TLL2: variants seen among roughly 807,000 people sequenced by gnomAD.
TLL2 encodes tolloid-like protein 2.
A neutral mutation model predicts 123.0 loss-of-function variants in TLL2; 106 were observed. The observed-to-expected ratio is 0.86, with a 90% confidence interval of 0.74 to 1.01. The LOEUF is 1.01. Ranked by LOEUF, TLL2 falls within the 50% of genes least tolerant of loss-of-function variation. The pLI is 0.00. For missense variants in TLL2, 1,332 were observed against 1,336.7 expected (o/e 1.00, Z 0.06); for synonymous variants, 494 against 516.8 (o/e 0.96, Z 0.60).
chr10:96,370,236 C>T lies in TLL2; in HGVS notation c.2742G>A (p.Pro914=), dbSNP rs1454416698. The T allele has an allele frequency of 8.1e-6, 13 of 1,613,408 alleles. No homozygotes were observed. Among genetic ancestry groups the T allele is most frequent in the South Asian group, 3.3e-5 (3 of 90,958 alleles). ...SHAQFGDNNY[P]SEARCDWVIV... Reference sequence around the variant, plus strand: ...TCACCCAGTCACAGCGGGCCTCGCTCGGGTAGTTGTTGTCCCCAAACTGGG... The same window carrying T: ...TCACCCAGTCACAGCGGGCCTCGCTTGGGTAGTTGTTGTCCCCAAACTGGG... Residue 914 remains proline (P), a synonymous_variant, in exon 20 of 21, where the codon CCG becomes CCA. Transcript: ENST00000357947.
In TLL2 at chr10:96,513,524, G is replaced by C; in HGVS notation, c.162C>G (p.Asp54Glu). 1.2e-6 allele frequency: 2 copies of C among 1,612,608 alleles called. No individual in the cohort carries two copies. The highest frequency in any genetic ancestry group is 8.5e-7 in the Non-Finnish European group (1 of 1,179,720). Residue 54 changes from aspartate to glutamate, a missense_variant, in exon 1 of 21, where the codon GAC becomes GAG. Asp to Glu is a conservative substitution (Grantham distance 45). Coordinates refer to ENST00000357947, the MANE Select transcript of TLL2 (RefSeq NM_012465.4). ...GTEQQLEHYHDPCKAAVFWGD... is the reference protein window; with the variant it reads ...GTEQQLEHYHEPCKAAVFWGD... The stretch of plus-strand genomic sequence containing the variant: ...GGCGGCACCTACCGGCTTTGCAAGG[G>C]TCGTGGTAATGCTCCAGCTGCTGCT...
intron 3 of TLL2, among the ~76,000 whole-genome samples, chr10:96,445,690 C>A (rs1200788260): frequency 1.3e-5 from 2 of 152,180 alleles, no homozygotes; most frequent in African/African-American, 4.8e-5. Flanking sequence ...AAAAGTCCAG[C>A]CAAGAGAGCA....
chr10:96,496,680 G>A (rs1589436804), intron 1 of TLL2, among the ~76,000 whole-genome samples: 1 of 152,318 alleles, frequency 6.6e-6, no homozygotes, highest in Non-Finnish European at 1.5e-5. Context: ...TCCCAGCAGG[G>A]CTCAGTTGAA....
intron 2 of TLL2, among the ~76,000 whole-genome samples, chr10:96,454,937 G>A (rs1169931287): frequency 1.3e-5 from 2 of 152,298 alleles, no homozygotes; most frequent in East Asian, 1.9e-4. Context: ...ACAAAACCAA[G>A]TTCAGTCTGA....
intron 1 of TLL2, among the ~76,000 whole-genome samples, chr10:96,483,385 C>G (rs957990198): frequency 1.3e-5 from 2 of 152,180 alleles, no homozygotes; most frequent in African/African-American, 4.8e-5. Context: ...CCATCCTAGG[C>G]GCCTCTTGCA....
chr10:96,400,357 C>CAA (rs55975748), intron 10 of TLL2, among the ~76,000 whole-genome samples: 81 of 109,784 alleles, frequency 7.4e-4, no homozygotes, highest in Non-Finnish European at 9.0e-4. Flanking sequence ...CTACTACCAT[C>CAA]AAAAAAAAAA....
intron 5 of TLL2, among the ~76,000 whole-genome samples, chr10:96,427,541 C>T (rs1846690531): frequency 6.6e-6 from 1 of 152,184 alleles, no homozygotes; most frequent in South Asian, 2.1e-4. Flanking sequence ...CAGTTATATT[C>T]TCACTGTCCC....
chr10:96,380,438 G>T (rs911683885), intron 16 of TLL2, among the ~76,000 whole-genome samples: 1 of 152,002 alleles, frequency 6.6e-6, no homozygotes, highest in Admixed American at 6.5e-5. Flanking sequence ...CTTTGCTTTG[G>T]GAGGCCAAGG....
At chr10:96,375,064 CAGA>C (rs1282883712) in intron 18 of TLL2, among the ~76,000 whole-genome samples, 1 of 151,532 alleles carries the variant, frequency 6.6e-6, no homozygotes, top group African/African-American at 2.4e-5. Context: ...TGCAGGCTTT[CAGA>C]AGAATGACTC....
At chr10:96,394,281 C>CT (rs947754454) in intron 13 of TLL2, among the ~76,000 whole-genome samples, 1 of 152,160 alleles carries the variant, frequency 6.6e-6, no homozygotes, top group Non-Finnish European at 1.5e-5. Flanking sequence ...GACTGAATGT[C>CT]TCTACTCAAG....
At chr10:96,426,815 T>C (rs1294111297) in intron 5 of TLL2, among the ~76,000 whole-genome samples, 1 of 152,234 alleles carries the variant, frequency 6.6e-6, no homozygotes, top group Non-Finnish European at 1.5e-5. Flanking sequence ...GTTTGTTTAT[T>C]CAAATAATTT....
Position 96,368,248 on chromosome 10 carries a change from G to C in TLL2, c.2914-26C>G, listed in dbSNP as rs373706580. 5.4e-5 allele frequency: 87 copies of C among 1,611,492 alleles called. No homozygotes were observed. In the African/African-American group the frequency reaches 9.3e-4, roughly 17 times the overall value. On this transcript the variant is annotated intron_variant, in intron 20 of 20. Coordinates refer to ENST00000357947, the MANE Select transcript of TLL2 (RefSeq NM_012465.4). ...CTGAGGAAAGGAGAAAGGGAAACGA[G>C]AAGGACTTTAGCTGTGATTGGAGTT...
chr10:96,457,253 C>T (rs1331463776), intron 2 of TLL2, among the ~76,000 whole-genome samples: 1 of 152,134 alleles, frequency 6.6e-6, no homozygotes, highest in Non-Finnish European at 1.5e-5. Context: ...GCTGAACCAG[C>T]CTCCCTGCCT....
At chr10:96,409,330 C>T (rs1460174770) in intron 9 of TLL2, among the ~76,000 whole-genome samples, 1 of 152,172 alleles carries the variant, frequency 6.6e-6, no homozygotes, top group Admixed American at 6.5e-5. Context: ...AGTGACTATA[C>T]CGTGAGACAT....
At chr10:96,425,021 CAG>C (rs766570725) in intron 5 of TLL2, among the ~76,000 whole-genome samples, 18 of 149,014 alleles carry the variant, frequency 1.2e-4, no homozygotes, top group African/African-American at 3.7e-4. Flanking sequence ...TTTTTTTTCA[CAG>C]AGAGTTATCT....
chr10:96,419,952 G>A (rs936230888), intron 7 of TLL2, among the ~76,000 whole-genome samples: 2 of 152,194 alleles, frequency 1.3e-5, no homozygotes, highest in Non-Finnish European at 2.9e-5. Flanking sequence ...CTAACCAAGT[G>A]TACATGACCT....
At chr10:96,390,014 G>A (rs1460709434) in intron 13 of TLL2, among the ~76,000 whole-genome samples, 5 of 152,250 alleles carry the variant, frequency 3.3e-5, no homozygotes, top group East Asian at 1.9e-4. Flanking sequence ...CCACTGGCTC[G>A]TGCTTGCTCT....
At chr10:96,510,413 T>G (rs1847617532) in intron 1 of TLL2, among the ~76,000 whole-genome samples, 1 of 152,210 alleles carries the variant, frequency 6.6e-6, no homozygotes, top group African/African-American at 2.4e-5. Flanking sequence ...TCACTTGATT[T>G]AAAAGTCATC....
chr10:96,410,735 C>G, intron 8 of TLL2: 1 of 559,548 alleles, frequency 1.8e-6, no homozygotes, highest in Non-Finnish European at 3.4e-6. Context: ...AATCTTAGCT[C>G]TCTGGCCAGC....
Sources: gnomAD v4.1 joint callset for allele counts (sites outside exome capture counted in the v4.1 genomes callset) on GRCh38, gnomAD v4.1.1 for gene constraint, MANE v1.5 for transcripts, NCBI Gene and HGNC (gene_info 2026-07-23, HGNC 2026-07-21) for gene names.